The following GIPC3 variants were observed in gnomAD, a reference collection of about 807,000 sequenced individuals.
The protein encoded by GIPC3 is PDZ domain-containing protein GIPC3.
In GIPC3, 16 loss-of-function variants were observed where a neutral mutation model predicts 27.3. That is an observed-to-expected ratio of 0.59 (90% CI 0.40 to 0.89). The LOEUF is 0.89. GIPC3 is among the 40% of genes least tolerant of loss of function. The pLI is 0.00. For synonymous variants in GIPC3, 194 were observed against 184.6 expected (o/e 1.05, Z -0.41); for missense variants, 440 against 442.1 (o/e 1.00, Z 0.04).
intron 1 of GIPC3, among the ~76,000 whole-genome samples, chr19:3,586,117 C>G (rs967661572): frequency 1.3e-5 from 2 of 152,222 alleles, no homozygotes; most frequent in Non-Finnish European, 2.9e-5. Flanking sequence ...CTCGGGGAAG[C>G]GCCTCTGTGC....
chr19:3,591,055 A>G lies in GIPC3; in HGVS notation c.*865A>G. Reference sequence around the variant, plus strand: ...GAAACCAAGCCCAGCATAGAGACCAAGCCGTGTTCTAGAATTCAGGCCACA... The same window carrying G: ...GAAACCAAGCCCAGCATAGAGACCAGGCCGTGTTCTAGAATTCAGGCCACA... On this transcript the variant is annotated 3_prime_UTR_variant, in exon 6 of 6. Transcript: ENST00000644452. 1 of 1,233,306 alleles carries G rather than the reference A, an allele frequency of 8.1e-7. No homozygotes were observed. Among genetic ancestry groups the G allele is most frequent in the East Asian group, 3.2e-5 (1 of 31,712 alleles). 76.4% of individuals were successfully genotyped at this position (1,233,306 alleles called of 1,614,324 possible).
Position 3,592,881 on chromosome 19 carries a change from G to A in GIPC3, c.*2691G>A, listed in dbSNP as rs949763113. The A allele has an allele frequency of 1.6e-6, 2 of 1,232,020 alleles. No individual in the cohort carries two copies. Among genetic ancestry groups the A allele is most frequent in the African/African-American group, 3.1e-5 (2 of 64,354 alleles). 76.3% of individuals were successfully genotyped at this position (1,232,020 alleles called of 1,614,324 possible). A position where few individuals can be genotyped will look rare whatever the true frequency, so the allele number is the denominator to read the frequency against. On this transcript the variant is annotated 3_prime_UTR_variant, in exon 6 of 6. Coordinates refer to ENST00000644452, the MANE Select transcript of GIPC3 (RefSeq NM_133261.3). ...AATCTGCCCACAGACCCCTGGCCTTGACCCTAGAATCCAGCTTGAGGCCCC... is the reference window on the plus strand; with the variant it reads ...AATCTGCCCACAGACCCCTGGCCTTAACCCTAGAATCCAGCTTGAGGCCCC...
chr19:3,586,476 C>T lies in GIPC3; in HGVS notation c.226-19C>T, dbSNP rs1300587140. 1 of 1,611,654 alleles carries T rather than the reference C, an allele frequency of 6.2e-7. No individual in the cohort carries two copies. The highest frequency in any genetic ancestry group is 1.3e-5 in the African/African-American group (1 of 75,004). ...GATGCATGCCCTGGCTAACTCTAGG[C>T]TCCTTCTCCCCCGGGAAGATTTTAT... On this transcript the variant is annotated intron_variant, in intron 1 of 5. Transcript: ENST00000644452.
At chr19:3,586,335 G>A (rs1402671318) in intron 1 of GIPC3, among the ~76,000 whole-genome samples, 160 bp from the exon 2 acceptor site, 29 of 152,134 alleles carry the variant, frequency 1.9e-4, no homozygotes, top group Admixed American at 1.8e-3. Context: ...CCTGCTGGAA[G>A]TCTCCTTCTC....
Position 3,592,040 on chromosome 19 carries a change from A to G in GIPC3, c.*1850A>G. The G allele has an allele frequency of 8.1e-7, 1 of 1,232,112 alleles. No homozygotes were observed. The highest frequency in any genetic ancestry group is 1.6e-5 in the African/African-American group (1 of 64,508). The allele number at this position is 1,232,112 out of a possible 1,614,324, so 76.3% of individuals were successfully genotyped here. A position where few individuals can be genotyped will look rare whatever the true frequency, so the allele number is the denominator to read the frequency against. ...GTTCTGAAATCCCAGCCAGCTCCAA[A>G]ACACAGACAGCAGCTGAGACCCAGC... On this transcript the variant is annotated 3_prime_UTR_variant, in exon 6 of 6. Coordinates refer to ENST00000644452, the MANE Select transcript of GIPC3 (RefSeq NM_133261.3).
chr19:3,589,846 G>C lies in GIPC3; in HGVS notation c.721G>C (p.Glu241Gln), dbSNP rs762290371. 10 of 1,613,736 alleles carry C rather than the reference G, an allele frequency of 6.2e-6. No homozygotes were observed. Among genetic ancestry groups the C allele is most frequent in the Non-Finnish European group, 8.5e-6 (10 of 1,180,018 alleles). ...TVEEAPSEFE[E>Q]EASRKVDDLL... ...GTGCCCCCAGCCCAGTGAGTTTGAGGAGGAGGCATCTCGGAAGGTTGATGA... is the reference window on the plus strand; with the variant it reads ...GTGCCCCCAGCCCAGTGAGTTTGAGCAGGAGGCATCTCGGAAGGTTGATGA... The change falls in exon 5 of 6, where the codon GAG becomes CAG. Residue 241 changes from glutamate (E) to glutamine (Q), a missense_variant. Transcript: ENST00000644452.
At position 3,593,409 on chromosome 19, in the gene GIPC3, G is replaced by A. The variant is rs76245235; in HGVS notation, c.*3219G>A. 9.0e-4 allele frequency: 841 copies of A among 935,004 alleles called. 6 individuals are homozygous for A. The East Asian group carries it at 0.024, about 27-fold the overall frequency. The allele number at this position is 935,004 out of a possible 1,614,324, so 57.9% of individuals were successfully genotyped here. ...CAGCAGGCGGTGGTAGGGAGTGTGC[G>A]GTGGTGAAAACAGGGGCTTCACCGG... On this transcript the variant is annotated 3_prime_UTR_variant, in exon 6 of 6. Transcript: ENST00000644452.
Position 3,590,214 on chromosome 19 carries a change from A to G in GIPC3, c.*24A>G, listed in dbSNP as rs372283092. The G allele has an allele frequency of 7.0e-6, 11 of 1,567,040 alleles. No homozygotes were observed. The highest frequency in any genetic ancestry group is 4.1e-5 in the African/African-American group (3 of 74,052). ...AGTTTGCCCTGGGGGGGCCCAGCAC[A>G]GCCCCAGCCCGGAGCCCAGCCCCCT... On this transcript the variant is annotated 3_prime_UTR_variant, in exon 6 of 6. Coordinates refer to ENST00000644452, the MANE Select transcript of GIPC3 (RefSeq NM_133261.3).
Position 3,589,353 on chromosome 19 carries a change from C to A in GIPC3, c.593-90C>A. ...GAGGACTTTGAAGGGGAGGAAGATT[C>A]TAGAAAGGCTCGGCTGTTGGCCTCC... On this transcript the variant is annotated intron_variant, in intron 3 of 5. Transcript: ENST00000644452. The A allele has an allele frequency of 6.5e-6, 6 of 926,076 alleles. No individual in the cohort carries two copies. The South Asian group carries it at 7.9e-5, about 12-fold the overall frequency. 57.4% of individuals were successfully genotyped at this position (926,076 alleles called of 1,614,324 possible). A position where few individuals can be genotyped will look rare whatever the true frequency, so the allele number is the denominator to read the frequency against.
chr19:3,589,950 G>A (rs778730345), intron 5 of GIPC3, 38 bp downstream of exon 5: 1 of 1,613,350 alleles, frequency 6.2e-7, no homozygotes, highest in Admixed American at 1.7e-5. Context: ...CCTGGGGGGA[G>A]GGAAGCCTAC....
Position 3,585,773 on chromosome 19 carries a change from G to A in GIPC3, c.176G>A (p.Arg59His), listed in dbSNP as rs1485739663. 1.9e-6 allele frequency: 3 copies of A among 1,547,798 alleles called. No homozygotes were observed. The highest frequency in any genetic ancestry group is 8.7e-7 in the Non-Finnish European group (1 of 1,146,290). The change falls in exon 1 of 6, where the codon CGC (arginine) becomes CAC (histidine). Residue 59 changes from arginine (R) to histidine (H), a missense_variant. Physicochemically the swap from Arg to His is conservative, Grantham distance 29. Coordinates refer to ENST00000644452, the MANE Select transcript of GIPC3 (RefSeq NM_133261.3). ...TGKIEGFTNV[R>H]ELYAKIAEAF... ...AAGATCGAGGGCTTCACCAACGTCC[G>A]CGAGCTGTACGCCAAGATCGCCGAA...
chr19:3,592,451 C>T lies in GIPC3; in HGVS notation c.*2261C>T. On this transcript the variant is annotated 3_prime_UTR_variant, in exon 6 of 6. Coordinates refer to ENST00000644452, the MANE Select transcript of GIPC3 (RefSeq NM_133261.3). ...TGATTTCCGGAGCCCAACCCAGCTC[C>T]AGAACTCAGACTAGTTCTGGAAACC... The T allele has an allele frequency of 1.6e-6, 2 of 1,231,936 alleles. No individual in the cohort carries two copies. Among genetic ancestry groups the T allele is most frequent in the Non-Finnish European group, 2.0e-6 (2 of 987,962 alleles). 76.3% of individuals were successfully genotyped at this position (1,231,936 alleles called of 1,614,324 possible).
Position 3,592,836 on chromosome 19 carries a change from T to C in GIPC3, c.*2646T>C, listed in dbSNP as rs1335998926. The C allele has an allele frequency of 2.4e-6, 3 of 1,232,128 alleles. No homozygotes were observed. Among genetic ancestry groups the C allele is most frequent in the Admixed American group, 4.2e-5 (1 of 23,688 alleles). The allele number at this position is 1,232,128 out of a possible 1,614,324, so 76.3% of individuals were successfully genotyped here. A position where few individuals can be genotyped will look rare whatever the true frequency, so the allele number is the denominator to read the frequency against. The stretch of plus-strand genomic sequence containing the variant: ...CAGAACTCACACCAGTTCAAGAATC[T>C]GGCTGAGCCCTGGAAATGGAATCTG... On this transcript the variant is annotated 3_prime_UTR_variant, in exon 6 of 6. Transcript: ENST00000644452.
chr19:3,592,360 C>T lies in GIPC3; in HGVS notation c.*2170C>T, dbSNP rs2032501911. 8.1e-7 allele frequency: 1 copy of T among 1,232,020 alleles called. No homozygotes were observed. Among genetic ancestry groups the T allele is most frequent in the African/African-American group, 1.6e-5 (1 of 64,420 alleles). The allele number at this position is 1,232,020 out of a possible 1,614,324, so 76.3% of individuals were successfully genotyped here. ...CTTAGCTTTGGAACTCAGCCCAGCTCTGGGACCCAGATAAGCTCAAGAATT... is the reference window on the plus strand; with the variant it reads ...CTTAGCTTTGGAACTCAGCCCAGCTTTGGGACCCAGATAAGCTCAAGAATT... On this transcript the variant is annotated 3_prime_UTR_variant, in exon 6 of 6. Coordinates refer to ENST00000644452, the MANE Select transcript of GIPC3 (RefSeq NM_133261.3).
In GIPC3 at chr19:3,591,191, T is replaced by C; in HGVS notation, c.*1001T>C. 8.1e-7 allele frequency: 1 copy of C among 1,232,974 alleles called. No individual in the cohort carries two copies. Among genetic ancestry groups the C allele is most frequent in the Non-Finnish European group, 1.0e-6 (1 of 988,700 alleles). 76.4% of individuals were successfully genotyped at this position (1,232,974 alleles called of 1,614,324 possible). A position where few individuals can be genotyped will look rare whatever the true frequency, so the allele number is the denominator to read the frequency against. On this transcript the variant is annotated 3_prime_UTR_variant, in exon 6 of 6. Transcript: ENST00000644452. ...CCAGCATTGAGACCAAGCCCTGTTC[T>C]AGAACTCAGGCCACCTCTGAGGCCA...
chr19:3,591,858 A>G lies in GIPC3; in HGVS notation c.*1668A>G. The G allele has an allele frequency of 8.1e-7, 1 of 1,233,068 alleles. No individual in the cohort carries two copies. Among genetic ancestry groups the G allele is most frequent in the East Asian group, 3.2e-5 (1 of 31,720 alleles). 76.4% of individuals were successfully genotyped at this position (1,233,068 alleles called of 1,614,324 possible). On this transcript the variant is annotated 3_prime_UTR_variant, in exon 6 of 6. Transcript: ENST00000644452. The stretch of plus-strand genomic sequence containing the variant: ...CAGCTCCAGCACACAGCTTGGTGCC[A>G]AGCCCCACTCTCCTTGCACAATGCA...
rs536816169 is a variant in GIPC3, at chr19:3,586,684, C to T, written c.411+4C>T. ...GGCTGGCTACGCCTTCATCAAGGTG[C>T]CCGGGAGGGGGTGGGCGGGTGGCTT... On this transcript the variant is annotated splice_donor_region_variant and intron_variant, in intron 2 of 5. Transcript: ENST00000644452. 2.9e-4 allele frequency: 473 copies of T among 1,610,712 alleles called. 6 individuals are homozygous for T. The South Asian group carries it at 5.0e-3, about 17-fold the overall frequency.
chr19:3,591,645 G>A lies in GIPC3; in HGVS notation c.*1455G>A. 1 of 1,233,884 alleles carries A rather than the reference G, an allele frequency of 8.1e-7. No individual in the cohort carries two copies. Among genetic ancestry groups the A allele is most frequent in the Non-Finnish European group, 1.0e-6 (1 of 989,530 alleles). The allele number at this position is 1,233,884 out of a possible 1,614,324, so 76.4% of individuals were successfully genotyped here. On this transcript the variant is annotated 3_prime_UTR_variant, in exon 6 of 6. Coordinates refer to ENST00000644452, the MANE Select transcript of GIPC3 (RefSeq NM_133261.3). ...CTCAGAAACCCAGGTCCACACGGCT[G>A]CCCAGTCCAGATCCCAACCCCAGTT... is the stretch of plus-strand genomic sequence containing the variant.
At position 3,592,273 on chromosome 19, in the gene GIPC3, C is replaced by A. The variant is rs894221487; in HGVS notation, c.*2083C>A. On this transcript the variant is annotated 3_prime_UTR_variant, in exon 6 of 6. Coordinates refer to ENST00000644452, the MANE Select transcript of GIPC3 (RefSeq NM_133261.3). ...GGTTCTAGATACCAGCTCCAGACCA[C>A]AGCCCCAGACAGCTCTGGTATTCAA... The A allele has an allele frequency of 8.1e-7, 1 of 1,232,158 alleles. No homozygotes were observed. The highest frequency in any genetic ancestry group is 1.0e-6 in the Non-Finnish European group (1 of 988,028). 76.3% of individuals were successfully genotyped at this position (1,232,158 alleles called of 1,614,324 possible).
Sources: gnomAD v4.1 joint callset for allele counts (sites outside exome capture counted in the v4.1 genomes callset) on GRCh38, gnomAD v4.1.1 for gene constraint, MANE v1.5 for transcripts, NCBI Gene and HGNC (gene_info 2026-07-23, HGNC 2026-07-21) for gene names.